Variants in CAMK2B observed in about 807,000 individuals in gnomAD.
The protein encoded by CAMK2B is calcium/calmodulin dependent protein kinase II beta, also known as calcium/calmodulin-dependent protein kinase type II subunit beta.
Under a neutral mutation model 93.7 loss-of-function variants are expected in CAMK2B, and 27 were observed. That is an observed-to-expected ratio of 0.29 (90% confidence interval 0.21 to 0.40). The LOEUF is 0.40. CAMK2B is among the 10% of genes least tolerant of loss of function. CAMK2B has a pLI of 1.00. For synonymous variants in CAMK2B, 374 were observed against 358.8 expected (o/e 1.04, Z -0.48); for missense variants, 568 against 895.8 (o/e 0.63, Z 4.67).
At chr7:44,276,289 A>G (rs2097038717) in intron 2 of CAMK2B, among the ~76,000 whole-genome samples, 1 of 152,086 alleles carries the variant, frequency 6.6e-6, no homozygotes. Context: ...CTTGTCCTCT[A>G]TTAACCCAGT....
intron 2 of CAMK2B, among the ~76,000 whole-genome samples, chr7:44,274,062 A>ATC (rs2097004551): frequency 6.6e-6 from 1 of 152,142 alleles, no homozygotes; most frequent in South Asian, 2.1e-4. Flanking sequence ...GGATGAGAGC[A>ATC]TCTGCACACA....
At chr7:44,291,476 C>G (rs1490381176) in intron 1 of CAMK2B, among the ~76,000 whole-genome samples, 2 of 152,170 alleles carry the variant, frequency 1.3e-5, no homozygotes, top group East Asian at 1.9e-4. Flanking sequence ...CTGAGGTGAC[C>G]CTACTGGAGA....
chr7:44,274,889 C>T lies in CAMK2B; in HGVS notation c.160+9242G>A, dbSNP rs140190515. Among the ~76,000 whole-genome samples the T allele has an allele frequency of 3.7e-3, 564 of 152,304 alleles. 3 individuals carry two copies. The highest frequency in any genetic ancestry group is 0.013 in the African/African-American group (544 of 41,564). On this transcript the variant is annotated intron_variant, in intron 2 of 23. Transcript: ENST00000395749. ...CCGGCAGAGCCTGGAAGTAAGGATC[C>T]CACCAGATGTGGGAACTGTCAGTGC...
At chr7:44,275,548 A>AG (rs2097026727) in intron 2 of CAMK2B, among the ~76,000 whole-genome samples, 1 of 152,278 alleles carries the variant, frequency 6.6e-6, no homozygotes, top group Non-Finnish European at 1.5e-5. Flanking sequence ...CAGGGTGCCC[A>AG]GTTAAATGAC....
intron 2 of CAMK2B, among the ~76,000 whole-genome samples, chr7:44,273,855 C>T (rs1374334425): frequency 6.6e-6 from 1 of 152,196 alleles, no homozygotes; most frequent in Non-Finnish European, 1.5e-5. Context: ...GAGCAGATGC[C>T]TGGGGACCCA....
rs117246126 is a variant in CAMK2B at position 44,291,245 on chromosome 7, G to C, written c.66-7020C>G. 4.6e-3 allele frequency among the ~76,000 whole-genome samples: 705 copies of C among 152,282 alleles called. 4 individuals carry two copies. The highest frequency in any genetic ancestry group is 0.014 in the Middle Eastern group (4 of 294). On this transcript the variant is annotated intron_variant, in intron 1 of 23. Coordinates refer to ENST00000395749, the MANE Select transcript of CAMK2B (RefSeq NM_001220.5). The stretch of plus-strand genomic sequence containing the variant: ...GGAGAGTGTTGGGGTTCCGCCAAGG[G>C]GGGAGAGTGTTTGGGCTCCTGAGGA...
chr7:44,230,894 T>G, intron 17 of CAMK2B, 112 bp downstream of exon 17: 1 of 873,962 alleles, frequency 1.1e-6, no homozygotes, highest in South Asian at 1.6e-5. Context: ...CCTCAACACA[T>G]GCATAAACTA....
intron 2 of CAMK2B, among the ~76,000 whole-genome samples, chr7:44,269,081 G>T (rs2096947375): frequency 6.6e-6 from 1 of 152,210 alleles, no homozygotes; most frequent in Admixed American, 6.5e-5. Flanking sequence ...AGCTGAGGGC[G>T]ATGGAAGAGA....
intron 13 of CAMK2B, among the ~76,000 whole-genome samples, chr7:44,238,924 C>T (rs971955474): frequency 0.085 from 7 of 82 alleles, no homozygotes; most frequent in Admixed American, 0.29. Flanking sequence ...CAACTTGGGC[C>T]TCTGGCTCTG....
rs566466993 is a variant in CAMK2B at position 44,271,485 on chromosome 7, C to A, written c.161-8421G>T. Among the ~76,000 whole-genome samples, 2 of 152,348 alleles carry A rather than the reference C, an allele frequency of 1.3e-5. No individual in the cohort carries two copies. The highest frequency in any genetic ancestry group is 4.1e-4 in the South Asian group (2 of 4,828). Reference sequence around the variant, plus strand: ...GTCTTTAATTCTGTTTGGCCATGACCTGGCTGGCTCCTACAGACTCTGGTG... The same window carrying A: ...GTCTTTAATTCTGTTTGGCCATGACATGGCTGGCTCCTACAGACTCTGGTG... On this transcript the variant is annotated intron_variant, in intron 2 of 23. Transcript: ENST00000395749. The surrounding 1 kb of genome is among the most constrained non-coding windows in gnomAD (Gnocchi z 4.2).
At chr7:44,236,395 C>T (rs1389344420) in intron 13 of CAMK2B, among the ~76,000 whole-genome samples, 1 of 152,150 alleles carries the variant, frequency 6.6e-6, no homozygotes, top group Non-Finnish European at 1.5e-5. Flanking sequence ...ATTTTGTATC[C>T]AGCCCAGGAG....
intron 15 of CAMK2B, among the ~76,000 whole-genome samples, chr7:44,234,030 G>A (rs2096603012): frequency 6.6e-6 from 1 of 152,214 alleles, no homozygotes; most frequent in South Asian, 2.1e-4. Context: ...TGAGGGTGGG[G>A]TCCTGGTGGG....
intron 2 of CAMK2B, among the ~76,000 whole-genome samples, chr7:44,266,080 C>T (rs1354651992): frequency 6.6e-6 from 1 of 152,150 alleles, no homozygotes; most frequent in Non-Finnish European, 1.5e-5. Flanking sequence ...GATCCTGTCT[C>T]CAGTGACCAA....
intron 2 of CAMK2B, among the ~76,000 whole-genome samples, chr7:44,273,480 C>T (rs1373704710): frequency 6.6e-6 from 1 of 152,170 alleles, no homozygotes; most frequent in Non-Finnish European, 1.5e-5. Flanking sequence ...GGTGGCCCCC[C>T]ACAGGGCAGG....
intron 2 of CAMK2B, among the ~76,000 whole-genome samples, chr7:44,273,571 C>T (rs966859751): frequency 2.0e-5 from 3 of 152,174 alleles, no homozygotes; most frequent in Non-Finnish European, 4.4e-5. Flanking sequence ...CCCCCACCCC[C>T]GACACATACA....
At chr7:44,229,142 C>T (rs774415488) in intron 18 of CAMK2B, 145 of 631,868 alleles carry the variant, frequency 2.3e-4, no homozygotes, top group Middle Eastern at 5.1e-4. Flanking sequence ...AATTGAGGCC[C>T]GAGCCTCCAG....
At chr7:44,234,292 G>C (rs1001417255) in intron 15 of CAMK2B, 98 bp downstream of exon 15, 7 of 1,139,502 alleles carry the variant, frequency 6.1e-6, no homozygotes, top group Non-Finnish European at 7.3e-6. Context: ...GCCAGGCGGG[G>C]CCAGACCCCA....
intron 2 of CAMK2B, chr7:44,267,142 C>T (rs1295880203): frequency 6.6e-6 from 1 of 152,226 alleles, no homozygotes; most frequent in East Asian, 1.9e-4. Flanking sequence ...CCCCTCCCGA[C>T]CTCCAGGGGA....
At position 44,231,739 on chromosome 7, in the gene CAMK2B, G is replaced by T. The variant is rs145385179; in HGVS notation, c.1177-685C>A. The stretch of plus-strand genomic sequence containing the variant: ...GTCAGGCCCCGGCCTCACCTCTCAG[G>T]TGGCCTTAGAGGGCAGAGGTGGCCC... On this transcript the variant is annotated intron_variant, in intron 16 of 23. Coordinates refer to ENST00000395749, the MANE Select transcript of CAMK2B (RefSeq NM_001220.5). 6.5e-3 allele frequency among the ~76,000 whole-genome samples: 991 copies of T among 152,314 alleles called. 5 individuals carry two copies. The highest frequency in any genetic ancestry group is 0.011 in the Non-Finnish European group (736 of 68,010).
Sources: allele counts gnomAD v4.1 joint callset (sites outside exome capture counted in the v4.1 genomes callset), GRCh38; gene constraint gnomAD v4.1.1; non-coding constraint Gnocchi (gnomAD v3.1); transcripts MANE v1.5; gene names NCBI Gene and HGNC (gene_info 2026-07-23, HGNC 2026-07-21).